Variants in PPP6R2 observed in about 807,000 individuals in gnomAD.
The protein encoded by PPP6R2 is protein phosphatase 6 regulatory subunit 2.
Under a neutral mutation model 100.2 loss-of-function variants are expected in PPP6R2, and 62 were observed. That is an observed-to-expected ratio of 0.62 (90% CI 0.50 to 0.76). The LOEUF (loss-of-function observed/expected upper bound fraction) is 0.76, where lower values mean the gene tolerates loss of function less well. Among genes scored for constraint, PPP6R2 ranks in the 30% least tolerant of loss-of-function variants. The pLI, the probability that PPP6R2 is intolerant of heterozygous loss-of-function variation, is 0.00. For missense variants in PPP6R2, 1,142 were observed against 1,276.3 expected (o/e 0.89, Z 1.60); for synonymous variants, 525 against 514.7 (o/e 1.02, Z -0.27).
chr22:50,413,083 G>A (rs1207511860), intron 4 of PPP6R2, among the ~76,000 whole-genome samples: 2 of 150,726 alleles, frequency 1.3e-5, no homozygotes, highest in Non-Finnish European at 2.9e-5. Context: ...TCAGCCTCCC[G>A]AGTAGCTGGG....
At chr22:50,340,368 T>G (rs930926746), upstream of PPP6R2, among the ~76,000 whole-genome samples, 1 of 126,096 alleles carries the variant, frequency 7.9e-6, no homozygotes, top group Non-Finnish European at 1.6e-5. Flanking sequence ...ATGGAGTGTG[T>G]GGTATGTGGT....
the PPP6R2 span, among the ~76,000 whole-genome samples, chr22:50,336,227 A>T: frequency 6.6e-6 from 1 of 152,028 alleles, no homozygotes; most frequent in Non-Finnish European, 1.5e-5. Flanking sequence ...TGACCTCATG[A>T]TCCACCCACC....
chr22:50,414,732 T>C, intron 5 of PPP6R2, 43 bp downstream of exon 5: 1 of 1,592,106 alleles, frequency 6.3e-7, no homozygotes, highest in Non-Finnish European at 8.5e-7. Flanking sequence ...GCAGGGGTGC[T>C]GCAGGAAGCC....
Position 50,414,703 on chromosome 22 carries a change from T to A in PPP6R2, c.552+14T>A. On this transcript the variant is annotated intron_variant, in intron 5 of 23. Transcript: ENST00000612753. ...GACGTCCTGCACGTGAGTGCGGGAG[T>A]CCCCCCCCGTTCCCGAGGGCAGGGG... 1 of 1,604,852 alleles carries A rather than the reference T, an allele frequency of 6.2e-7. No individual in the cohort carries two copies. The highest frequency in any genetic ancestry group is 8.5e-7 in the Non-Finnish European group (1 of 1,176,284).
At chr22:50,435,705 C>T (rs1273497029) in intron 13 of PPP6R2, among the ~76,000 whole-genome samples, 2 of 152,160 alleles carry the variant, frequency 1.3e-5, no homozygotes, top group African/African-American at 2.4e-5. Flanking sequence ...TCCATTAGCC[C>T]CTGGCGAGGT....
At position 50,398,238 on chromosome 22, in the gene PPP6R2, C is replaced by T. The variant is rs535051938; in HGVS notation, c.227+4103C>T. ...CCAGGCTGGAGTACGGTGGTGCGAT[C>T]TCGGTTCACTACAACCTCCGCGTCC... On this transcript the variant is annotated intron_variant, in intron 3 of 23. Transcript: ENST00000612753. Among the ~76,000 whole-genome samples, 230 of 148,348 alleles carry T rather than the reference C, an allele frequency of 1.6e-3. 1 individual carries two copies. Among genetic ancestry groups the T allele is most frequent in the African/African-American group, 5.5e-3 (220 of 40,218 alleles).
intron 2 of PPP6R2, 50 bp from the exon 3 acceptor site, chr22:50,393,843 A>G: frequency 6.2e-7 from 1 of 1,605,626 alleles, no homozygotes; most frequent in Non-Finnish European, 8.5e-7. Flanking sequence ...GTGTTGCTGA[A>G]GGTGGATTTG....
intron 2 of PPP6R2, among the ~76,000 whole-genome samples, chr22:50,385,671 ATGCC>A (rs937140571): frequency 2.7e-5 from 4 of 148,518 alleles, no homozygotes; most frequent in African/African-American, 1.0e-4. Flanking sequence ...ACCTGCCACT[ATGCC>A]TGGCTAATAT....
chr22:50,425,714 G>T (rs149937922), intron 10 of PPP6R2, among the ~76,000 whole-genome samples: 1 of 151,296 alleles, frequency 6.6e-6, no homozygotes, highest in African/African-American at 2.4e-5. Context: ...GTGTGGAACG[G>T]TGTCTCCGTG....
At chr22:50,442,825 T>G (rs1451274030) in intron 22 of PPP6R2, among the ~76,000 whole-genome samples, 3 of 150,600 alleles carry the variant, frequency 2.0e-5, no homozygotes, top group Non-Finnish European at 4.4e-5. Context: ...GTGCTGGGAT[T>G]ACAGGTGTGA....
chr22:50,353,021 G>A (rs1257706363), intron 1 of PPP6R2, among the ~76,000 whole-genome samples: 1 of 152,208 alleles, frequency 6.6e-6, no homozygotes, highest in Non-Finnish European at 1.5e-5. Context: ...CTGTGATGGT[G>A]CCACTACATT....
At chr22:50,379,325 G>T (rs151094468) in intron 2 of PPP6R2, among the ~76,000 whole-genome samples, 1 of 151,820 alleles carries the variant, frequency 6.6e-6, no homozygotes, top group Non-Finnish European at 1.5e-5. Flanking sequence ...GTGAAACCCC[G>T]TCTCTACAAA....
chr22:50,357,624 T>TA (rs1448306730), intron 1 of PPP6R2, among the ~76,000 whole-genome samples: 1 of 150,844 alleles, frequency 6.6e-6, no homozygotes, highest in Non-Finnish European at 1.5e-5. Context: ...CCTCCCTGGC[T>TA]AATTTTTTTT....
chr22:50,414,331 G>GCCCCCCCCCCCCCCCCCCC lies in PPP6R2; in HGVS notation c.415-220_415-202dup, dbSNP rs57634612. Among the ~76,000 whole-genome samples, 78 of 26,792 alleles carry GCCCCCCCCCCCCCCCCCCC rather than the reference G, an allele frequency of 2.9e-3. 2 individuals carry two copies. The highest frequency in any genetic ancestry group is 4.7e-3 in the Non-Finnish European group (42 of 9,026). 17.6% of individuals were successfully genotyped at this position (26,792 alleles called of 152,430 possible). A position where few individuals can be genotyped will look rare whatever the true frequency, so the allele number is the denominator to read the frequency against. ...GAGCCACAGGGGTCCCTGTGCAGTG[G>GCCCCCCCCCCCCCCCCCCC]CCCCCCCCCCCCCCCCCCCGCCCAG... On this transcript the variant is annotated intron_variant, in intron 4 of 23. Coordinates refer to ENST00000612753, the MANE Select transcript of PPP6R2 (RefSeq NM_001242898.2).
intron 13 of PPP6R2, among the ~76,000 whole-genome samples, chr22:50,436,040 T>C (rs1462271579): frequency 6.6e-6 from 1 of 152,188 alleles, no homozygotes. Context: ...GGCTTCTGCG[T>C]TTCTGGGAGT....
the PPP6R2 span, among the ~76,000 whole-genome samples, chr22:50,331,640 CAG>C: frequency 5.3e-5 from 8 of 152,010 alleles, no homozygotes; most frequent in African/African-American, 1.9e-4. Flanking sequence ...TTTTTTGAGA[CAG>C]AGTCTCGCTT....
At chr22:50,337,302 G>T in the PPP6R2 span, among the ~76,000 whole-genome samples, 1 of 146,166 alleles carries the variant, frequency 6.8e-6, no homozygotes, top group Admixed American at 6.9e-5. Context: ...ATGTGGGGGT[G>T]TGTGTGTGCG....
Position 50,437,059 on chromosome 22 carries a change from C to G in PPP6R2, c.1674C>G (p.Ser558=). 1 of 1,560,404 alleles carries G rather than the reference C, an allele frequency of 6.4e-7. No individual in the cohort carries two copies. Among genetic ancestry groups the G allele is most frequent in the Non-Finnish European group, 8.7e-7 (1 of 1,152,848 alleles). Residue 558 remains serine (S), a synonymous_variant, in exon 15 of 24, where the codon TCC becomes TCG. Transcript: ENST00000612753. ...DIEGAFPNEL[S]LQQAFSDYQI... ...AGGGTGCTTTCCCTAACGAGCTGTC[C>G]CTTCAGCAGGTGAGGGCGTGGCCGG...
At chr22:50,358,593 G>A (rs2047093129) in intron 1 of PPP6R2, among the ~76,000 whole-genome samples, 1 of 152,120 alleles carries the variant, frequency 6.6e-6, no homozygotes, top group East Asian at 1.9e-4. Context: ...TGTCACTATA[G>A]TCAGGATAGT....
Sources: gnomAD v4.1 joint callset for allele counts (sites outside exome capture counted in the v4.1 genomes callset) on GRCh38, gnomAD v4.1.1 for gene constraint, MANE v1.5 for transcripts, NCBI Gene and HGNC (gene_info 2026-07-23, HGNC 2026-07-21) for gene names.